Variants in SUGCT observed in about 807,000 individuals in gnomAD.
SUGCT encodes the protein succinyl-CoA:glutarate CoA-transferase.
Under a neutral mutation model 55.0 loss-of-function variants are expected in SUGCT, and 41 were observed. The observed-to-expected ratio is 0.74, with a 90% confidence interval of 0.58 to 0.97. The LOEUF is 0.97. Ranked by LOEUF, SUGCT falls within the 50% of genes least tolerant of loss-of-function variation. The pLI is 0.00. For synonymous variants in SUGCT, 187 were observed against 200.4 expected (o/e 0.93, Z 0.56); for missense variants, 568 against 547.8 (o/e 1.04, Z -0.37).
At chr7:40,922,856 C>T in the SUGCT span, among the ~76,000 whole-genome samples, 6 of 152,210 alleles carry the variant, frequency 3.9e-5, no homozygotes, top group East Asian at 1.9e-4. Context: ...CTCTTTGCCC[C>T]GGTGGTATTT....
chr7:40,436,872 G>A (rs1002986318), intron 9 of SUGCT, among the ~76,000 whole-genome samples: 5 of 152,102 alleles, frequency 3.3e-5, no homozygotes, highest in African/African-American at 1.2e-4. Flanking sequence ...TTACCTTGGG[G>A]TGTTGCTGAA....
At chr7:40,532,728 G>A (rs1794166154) in intron 12 of SUGCT, among the ~76,000 whole-genome samples, 1 of 151,816 alleles carries the variant, frequency 6.6e-6, no homozygotes, top group African/African-American at 2.4e-5. Flanking sequence ...TATTAAGAGG[G>A]GATGTTCATA....
At chr7:40,620,428 G>C (rs1050413257) in intron 12 of SUGCT, among the ~76,000 whole-genome samples, 1 of 151,742 alleles carries the variant, frequency 6.6e-6, no homozygotes, top group Non-Finnish European at 1.5e-5. Flanking sequence ...TTTTGAGACA[G>C]AGTCTCGTTC....
intron 12 of SUGCT, among the ~76,000 whole-genome samples, chr7:40,702,561 T>C (rs1351591894): frequency 1.3e-5 from 2 of 152,214 alleles, no homozygotes; most frequent in Non-Finnish European, 2.9e-5. Flanking sequence ...GCATATGGTA[T>C]TGGTATGTTA....
At chr7:40,392,537 A>C (rs1785501815) in intron 9 of SUGCT, among the ~76,000 whole-genome samples, 1 of 152,138 alleles carries the variant, frequency 6.6e-6, no homozygotes, top group Admixed American at 6.6e-5. Flanking sequence ...ACAAATATCA[A>C]GTGAGGTTTG....
chr7:40,201,477 C>T (rs1382946792), intron 6 of SUGCT, among the ~76,000 whole-genome samples: 4 of 152,168 alleles, frequency 2.6e-5, no homozygotes, highest in Non-Finnish European at 5.9e-5. Flanking sequence ...GTCTCTGTTG[C>T]ACCCTCTTAT....
rs76986366 is a variant in SUGCT, at chr7:40,388,315, A to G, written c.817-60972A>G. 8.0e-3 allele frequency among the ~76,000 whole-genome samples: 1,223 copies of G among 152,336 alleles called. 20 individuals carry two copies. The highest frequency in any genetic ancestry group is 0.028 in the Admixed American group (425 of 15,298). ...TAATAGGTTGCATTTTCTTTTCCTT[A>G]GGATAATGAACAGGCTTATAATATA... On this transcript the variant is annotated intron_variant, in intron 9 of 13. Transcript: ENST00000335693.
intron 1 of SUGCT, chr7:40,153,585 G>T (rs1204225025): frequency 4.0e-6 from 2 of 503,528 alleles, no homozygotes; most frequent in Non-Finnish European, 4.0e-6. Flanking sequence ...TCTTACCCCT[G>T]GGATACTCAG....
chr7:40,588,305 A>C (rs779231668), intron 12 of SUGCT, among the ~76,000 whole-genome samples: 1 of 151,846 alleles, frequency 6.6e-6, no homozygotes, highest in Non-Finnish European at 1.5e-5. Flanking sequence ...ATATGTATAC[A>C]TGTGCCATGC....
chr7:40,358,922 A>T (rs905452692), intron 9 of SUGCT, among the ~76,000 whole-genome samples: 6 of 152,232 alleles, frequency 3.9e-5, no homozygotes, highest in Non-Finnish European at 7.3e-5. Flanking sequence ...GTATACTTCC[A>T]GGCATGTGTT....
At chr7:40,738,011 C>T (rs1051367884) in intron 12 of SUGCT, among the ~76,000 whole-genome samples, 1 of 151,550 alleles carries the variant, frequency 6.6e-6, no homozygotes, top group African/African-American at 2.4e-5. Context: ...ACCATCCTGG[C>T]CAACATGGTA....
the SUGCT span, among the ~76,000 whole-genome samples, chr7:40,895,125 C>G: frequency 6.6e-6 from 1 of 151,996 alleles, no homozygotes; most frequent in Admixed American, 6.6e-5. Flanking sequence ...TACTATGTAG[C>G]CATAAAAAAG....
intron 12 of SUGCT, among the ~76,000 whole-genome samples, chr7:40,651,437 T>C (rs556647193): frequency 3.0e-3 from 453 of 152,328 alleles, no homozygotes; most frequent in Non-Finnish European, 4.4e-3. Context: ...TTAATGGTTT[T>C]TTTTTTCTTG....
chr7:40,944,769 A>G, the SUGCT span, among the ~76,000 whole-genome samples: 1 of 39,468 alleles, frequency 2.5e-5, no homozygotes, highest in Non-Finnish European at 4.5e-5. Context: ...GACTTTCTTC[A>G]CAGAATTGGA....
chr7:40,472,515 T>C (rs200675325), intron 11 of SUGCT, among the ~76,000 whole-genome samples: 1 of 152,156 alleles, frequency 6.6e-6, no homozygotes, highest in Non-Finnish European at 1.5e-5. Context: ...TTATAGGTAA[T>C]TGTTTCACAT....
chr7:40,951,844 A>C, the SUGCT span, among the ~76,000 whole-genome samples: 3 of 152,134 alleles, frequency 2.0e-5, no homozygotes, highest in Non-Finnish European at 4.4e-5. Flanking sequence ...CTGTTCTTTT[A>C]CATTTGCTGA....
At position 40,666,419 on chromosome 7, in the gene SUGCT, G is replaced by GTTTTTTTT. The variant is rs70990637; in HGVS notation, c.1090-82997_1090-82990dup. On this transcript the variant is annotated intron_variant, in intron 12 of 13. Transcript: ENST00000335693. Reference sequence around the variant, plus strand: ...AGAAAGAAAGTAGGGTTATAGGTTAGTTTTTTTTTTTTTTTTTTTTTTTTT... The same window carrying GTTTTTTTT: ...AGAAAGAAAGTAGGGTTATAGGTTAGTTTTTTTTTTTTTTTTTTTTTTTTTTTTTTTTT... Among the ~76,000 whole-genome samples the GTTTTTTTT allele has an allele frequency of 4.2e-5, 3 of 72,236 alleles. 1 individual carries two copies. Among genetic ancestry groups the GTTTTTTTT allele is most frequent in the Non-Finnish European group, 7.4e-5 (3 of 40,462 alleles). 47.4% of individuals were successfully genotyped at this position (72,236 alleles called of 152,430 possible).
At chr7:40,282,117 A>G (rs567186137) in intron 8 of SUGCT, among the ~76,000 whole-genome samples, 63 of 152,226 alleles carry the variant, frequency 4.1e-4, no homozygotes, top group South Asian at 1.9e-3. Flanking sequence ...TTTTACCAAT[A>G]CAATTTATTG....
At chr7:40,393,996 T>G (rs919081542) in intron 9 of SUGCT, among the ~76,000 whole-genome samples, 1 of 152,210 alleles carries the variant, frequency 6.6e-6, no homozygotes, top group Non-Finnish European at 1.5e-5. Context: ...TGTCTCAGTC[T>G]GCAGTGACAA....
Sources: gnomAD v4.1 joint callset for allele counts (sites outside exome capture counted in the v4.1 genomes callset) on GRCh38, gnomAD v4.1.1 for gene constraint, MANE v1.5 for transcripts, NCBI Gene and HGNC (gene_info 2026-07-23, HGNC 2026-07-21) for gene names.